The following SGCZ variants were observed in gnomAD, a reference collection of about 807,000 sequenced individuals.
SGCZ encodes sarcoglycan zeta.
A neutral mutation model predicts 41.3 loss-of-function variants in SGCZ; 40 were observed. The ratio of observed to expected loss-of-function variants is 0.97; its 90% CI spans 0.75 to 1.26. SGCZ has a LOEUF of 1.26. SGCZ is among the 50% of genes most tolerant of loss of function. The pLI, the probability that SGCZ is intolerant of heterozygous loss-of-function variation, is 0.00. For synonymous variants in SGCZ, 206 were observed against 137.5 expected (o/e 1.50, Z -3.49); for missense variants, 552 against 369.8 (o/e 1.49, Z -4.04).
chr8:14,721,720 A>G (rs1317645686), intron 1 of SGCZ, among the ~76,000 whole-genome samples: 2 of 152,230 alleles, frequency 1.3e-5, no homozygotes, highest in Non-Finnish European at 2.9e-5. Context: ...CAGTAATGTC[A>G]TAACTCACAT....
chr8:14,872,458 T>C (rs992415697), intron 1 of SGCZ, among the ~76,000 whole-genome samples: 5 of 152,128 alleles, frequency 3.3e-5, no homozygotes, highest in Admixed American at 2.0e-4. Context: ...TTTAGACTCT[T>C]CTGAGAAAAT....
chr8:14,996,247 T>C (rs770507830), intron 1 of SGCZ, among the ~76,000 whole-genome samples: 2 of 152,122 alleles, frequency 1.3e-5, no homozygotes, highest in East Asian at 3.9e-4. Context: ...GAAATACTAA[T>C]CTATATAAAA....
chr8:14,195,401 T>A (rs1414789516), intron 4 of SGCZ, among the ~76,000 whole-genome samples: 1 of 152,124 alleles, frequency 6.6e-6, no homozygotes, highest in African/African-American at 2.4e-5. Context: ...GAGAATTCAG[T>A]GATTTTTGAA....
intron 1 of SGCZ, among the ~76,000 whole-genome samples, chr8:14,930,313 G>A (rs754795168): frequency 2.6e-5 from 4 of 152,030 alleles, no homozygotes; most frequent in Non-Finnish European, 4.4e-5. Context: ...TTAGAATGGC[G>A]ATCATTAAAA....
At chr8:14,770,951 G>T (rs956350944) in intron 1 of SGCZ, among the ~76,000 whole-genome samples, 1 of 152,150 alleles carries the variant, frequency 6.6e-6, no homozygotes, top group Non-Finnish European at 1.5e-5. Context: ...TTGCCTGACA[G>T]ATGAAGTTTC....
intron 3 of SGCZ, among the ~76,000 whole-genome samples, chr8:14,314,253 C>G (rs2117007214): frequency 6.6e-6 from 1 of 151,888 alleles, no homozygotes; most frequent in East Asian, 1.9e-4. Flanking sequence ...AAACTGTCTC[C>G]CAGTTTTAAT....
At chr8:15,179,764 A>G (rs1032021067) in intron 1 of SGCZ, among the ~76,000 whole-genome samples, 1 of 152,220 alleles carries the variant, frequency 6.6e-6, no homozygotes, top group African/African-American at 2.4e-5. Context: ...TTAACAAGAC[A>G]TTAGGAAATA....
chr8:14,965,781 A>C (rs973429249), intron 1 of SGCZ, among the ~76,000 whole-genome samples: 3 of 152,180 alleles, frequency 2.0e-5, no homozygotes, highest in Non-Finnish European at 2.9e-5. Flanking sequence ...ACAGTGAAAG[A>C]ATATAAATAT....
intron 2 of SGCZ, among the ~76,000 whole-genome samples, chr8:14,548,814 G>A (rs974003097): frequency 2.6e-5 from 4 of 152,052 alleles, no homozygotes; most frequent in Admixed American, 1.3e-4. Flanking sequence ...AGACCAAATT[G>A]GGTCAACAAT....
chr8:15,001,636 G>A (rs186528351), intron 1 of SGCZ, among the ~76,000 whole-genome samples: 7 of 151,172 alleles, frequency 4.6e-5, no homozygotes, highest in African/African-American at 7.3e-5. Context: ...GGCTGAGGGA[G>A]GAGAATGGCG....
At chr8:14,802,903 T>A (rs1431210790) in intron 1 of SGCZ, among the ~76,000 whole-genome samples, 1 of 152,196 alleles carries the variant, frequency 6.6e-6, no homozygotes, top group Non-Finnish European at 1.5e-5. Flanking sequence ...GCTTCCTGTC[T>A]GCAAGCATTC....
At chr8:15,185,189 G>A (rs1045973761) in intron 1 of SGCZ, among the ~76,000 whole-genome samples, 3 of 152,104 alleles carry the variant, frequency 2.0e-5, no homozygotes, top group Non-Finnish European at 4.4e-5. Flanking sequence ...TCAAAGTTAG[G>A]AGGAAAAAAT....
chr8:14,809,109 T>C (rs369954551), intron 1 of SGCZ, among the ~76,000 whole-genome samples: 16,685 of 149,274 alleles, frequency 0.11, 1,410 homozygotes, highest in African/African-American at 0.23. Flanking sequence ...AGGGATAGCA[T>C]TGGGAGATAT....
intron 2 of SGCZ, among the ~76,000 whole-genome samples, chr8:14,476,071 T>C (rs972994846): frequency 6.6e-6 from 1 of 152,128 alleles, no homozygotes; most frequent in African/African-American, 2.4e-5. Flanking sequence ...TCCCAAAGTA[T>C]TGGGATTACT....
At chr8:14,337,883 G>C (rs754597831) in intron 2 of SGCZ, among the ~76,000 whole-genome samples, 1 of 152,128 alleles carries the variant, frequency 6.6e-6, no homozygotes, top group Non-Finnish European at 1.5e-5. Context: ...GATATAAATA[G>C]CCAGAAGCCG....
intron 1 of SGCZ, among the ~76,000 whole-genome samples, chr8:14,956,449 A>C (rs1800796086): frequency 6.6e-6 from 1 of 152,170 alleles, no homozygotes; most frequent in African/African-American, 2.4e-5. Context: ...AATTTTTGAA[A>C]TATTAAATAG....
intron 3 of SGCZ, among the ~76,000 whole-genome samples, chr8:14,292,080 G>C (rs1290433179): frequency 6.6e-6 from 1 of 152,026 alleles, no homozygotes; most frequent in African/African-American, 2.4e-5. Flanking sequence ...TCAAGACTGT[G>C]ACAGGTAGAT....
At chr8:14,231,958 T>G (rs1806586518) in intron 4 of SGCZ, among the ~76,000 whole-genome samples, 1 of 151,998 alleles carries the variant, frequency 6.6e-6, no homozygotes, top group African/African-American at 2.4e-5. Flanking sequence ...AATAGAAACT[T>G]TAGATATATG....
chr8:14,743,733 C>A (rs1045624655), intron 1 of SGCZ, among the ~76,000 whole-genome samples: 1 of 151,956 alleles, frequency 6.6e-6, no homozygotes, highest in African/African-American at 2.4e-5. Flanking sequence ...TATTTTTATT[C>A]TTTTTCCGTC....
Sources: allele counts gnomAD v4.1 joint callset (sites outside exome capture counted in the v4.1 genomes callset), GRCh38; gene constraint gnomAD v4.1.1; transcripts MANE v1.5; gene names NCBI Gene and HGNC (gene_info 2026-07-23, HGNC 2026-07-21).